GADL1: variants seen among roughly 807,000 people sequenced by gnomAD.
GADL1 encodes acidic amino acid decarboxylase GADL1.
A neutral mutation model predicts 69.5 loss-of-function variants in GADL1; 71 were observed. The observed-to-expected ratio is 1.02, with a 90% confidence interval of 0.84 to 1.25. The LOEUF (loss-of-function observed/expected upper bound fraction) is 1.25, where lower values mean the gene tolerates loss of function less well. GADL1 is among the 50% of genes most tolerant of loss of function. GADL1 has a pLI of 0.00. For synonymous variants in GADL1, 254 were observed against 214.4 expected, an observed-to-expected ratio of 1.18 and a Z score of -1.62; for missense variants, 737 against 631.8, an observed-to-expected ratio of 1.17 and a Z score of -1.79.
At chr3:30,879,984 C>A (rs555490688) in intron 1 of GADL1, among the ~76,000 whole-genome samples, 7 of 151,940 alleles carry the variant, frequency 4.6e-5, no homozygotes, top group African/African-American at 1.4e-4. Context: ...ATTCTACTTA[C>A]AAAGATCAGA....
chr3:30,745,124 T>C (rs1169672032), intron 14 of GADL1, among the ~76,000 whole-genome samples: 1 of 152,230 alleles, frequency 6.6e-6, no homozygotes, highest in Admixed American at 6.5e-5. Flanking sequence ...ATATAAAGTG[T>C]GCATGAGTGA....
chr3:30,748,557 C>A (rs1356561146), intron 14 of GADL1, among the ~76,000 whole-genome samples: 1 of 152,192 alleles, frequency 6.6e-6, no homozygotes. Context: ...GATTTTCAAA[C>A]AAGCATCTAT....
At chr3:30,746,730 A>G (rs1039913085) in intron 14 of GADL1, among the ~76,000 whole-genome samples, 2 of 152,234 alleles carry the variant, frequency 1.3e-5, no homozygotes, top group African/African-American at 4.8e-5. Context: ...AAAGTGACAT[A>G]TAAGTTGGAG....
chr3:30,756,580 C>G, intron 14 of GADL1, among the ~76,000 whole-genome samples: 1 of 151,906 alleles, frequency 6.6e-6, no homozygotes, highest in East Asian at 1.9e-4. Flanking sequence ...CAGAAGTAAT[C>G]GTGTGCTAAA....
intron 14 of GADL1, among the ~76,000 whole-genome samples, chr3:30,757,528 C>T (rs983054818): frequency 6.6e-6 from 1 of 152,162 alleles, no homozygotes; most frequent in Non-Finnish European, 1.5e-5. Flanking sequence ...AGCCTTAAAG[C>T]TAATGTAATG....
At chr3:30,867,878 TGTAAACAATGTAGACATTTGAAATTAAGG>T (rs1488994945) in intron 1 of GADL1, among the ~76,000 whole-genome samples, 2 of 152,044 alleles carry the variant, frequency 1.3e-5, no homozygotes, top group African/African-American at 4.8e-5. Context: ...ATATGCTGAA[TGTAAACAATGTAGACATTTGAAATTAAGG>T]GTTGTGGTTA....
At chr3:30,850,970 C>T (rs1366843815) in intron 4 of GADL1, 29 bp from the exon 5 acceptor site, 2 of 1,275,532 alleles carry the variant, frequency 1.6e-6, no homozygotes, top group Non-Finnish European at 2.2e-6. Context: ...CACTTCACTT[C>T]TATGACTAGA....
In GADL1 at chr3:30,861,585, A is replaced by AT; in HGVS notation, c.210+7dup. On this transcript the variant is annotated splice_region_variant and intron_variant, in intron 2 of 14. Coordinates refer to ENST00000282538, the MANE Select transcript of GADL1 (RefSeq NM_207359.3). ...TTTCTGCAATTTCTTACAGGTTTTA[A>AT]TTTTTACCTTCTCATTGACATCTGT... The AT allele has an allele frequency of 6.5e-7, 1 of 1,540,118 alleles. No homozygotes were observed. The highest frequency in any genetic ancestry group is 8.8e-7 in the Non-Finnish European group (1 of 1,141,144).
At chr3:30,797,137 CTGTCA>C (rs1018235363) in intron 12 of GADL1, among the ~76,000 whole-genome samples, 2 of 152,182 alleles carry the variant, frequency 1.3e-5, no homozygotes, top group Non-Finnish European at 2.9e-5. Flanking sequence ...TCTTGGCCTT[CTGTCA>C]TGGCCATCTC....
chr3:30,811,035 G>A (rs1477097422), intron 11 of GADL1, among the ~76,000 whole-genome samples: 1 of 152,140 alleles, frequency 6.6e-6, no homozygotes, highest in East Asian at 1.9e-4. Flanking sequence ...TTAGTGTTGA[G>A]ATCAAGACTC....
chr3:30,882,915 TTAGTGA>T (rs1403137528), intron 1 of GADL1, among the ~76,000 whole-genome samples: 2 of 151,900 alleles, frequency 1.3e-5, no homozygotes, highest in Non-Finnish European at 2.9e-5. Context: ...TTCTCTAATG[TTAGTGA>T]TAGTGAGCAT....
intron 14 of GADL1, among the ~76,000 whole-genome samples, chr3:30,776,428 C>T (rs1696537400): frequency 6.6e-6 from 1 of 152,162 alleles, no homozygotes; most frequent in Admixed American, 6.5e-5. Flanking sequence ...GGTTACTTAA[C>T]ATCTGAAATG....
intron 13 of GADL1, among the ~76,000 whole-genome samples, chr3:30,782,170 G>T (rs1246406862): frequency 6.6e-6 from 1 of 152,172 alleles, no homozygotes; most frequent in Admixed American, 6.6e-5. Context: ...GGAAGCTTGG[G>T]CTTGATTCTA....
In GADL1 at chr3:30,834,285, T is replaced by C. The variant is rs1697838012; in HGVS notation, c.904-4A>G. ...AAGCTGAGCCACCCCAAGAAGCCTG[T>C]TGAGATATTTACAGTACCAGAACAA... On this transcript the variant is annotated splice_polypyrimidine_tract_variant and splice_region_variant and intron_variant, in intron 9 of 14. Coordinates refer to ENST00000282538, the MANE Select transcript of GADL1 (RefSeq NM_207359.3). 6.2e-7 allele frequency: 1 copy of C among 1,611,436 alleles called. No individual in the cohort carries two copies. The highest frequency in any genetic ancestry group is 8.5e-7 in the Non-Finnish European group (1 of 1,177,906).
At chr3:30,855,914 C>G (rs1204528614) in intron 3 of GADL1, among the ~76,000 whole-genome samples, 1 of 135,446 alleles carries the variant, frequency 7.4e-6, no homozygotes, top group African/African-American at 2.9e-5. Flanking sequence ...ACATGGAAAA[C>G]TTCCTCTGAT....
At chr3:30,832,995 T>C (rs1697817216) in intron 11 of GADL1, among the ~76,000 whole-genome samples, 1 of 152,002 alleles carries the variant, frequency 6.6e-6, no homozygotes. Context: ...TAGCTACACA[T>C]GCAAGACTAG....
At chr3:30,853,940 G>A (rs1051630438) in intron 4 of GADL1, among the ~76,000 whole-genome samples, 1 of 151,958 alleles carries the variant, frequency 6.6e-6, no homozygotes, top group African/African-American at 2.4e-5. Context: ...ATGGCTTTTT[G>A]TTACATTTAG....
intron 14 of GADL1, among the ~76,000 whole-genome samples, chr3:30,765,986 C>T (rs977069403): frequency 6.6e-6 from 1 of 152,070 alleles, no homozygotes; most frequent in Admixed American, 6.6e-5. Context: ...AAAAGGGGTA[C>T]TCATGCTCAG....
chr3:30,877,704 G>T (rs1014138054), intron 1 of GADL1, among the ~76,000 whole-genome samples: 13 of 151,858 alleles, frequency 8.6e-5, no homozygotes, highest in Admixed American at 5.9e-4. Context: ...GTGCTGAAAT[G>T]GGAATAGTCT....
Sources: gnomAD v4.1 joint callset for allele counts (sites outside exome capture counted in the v4.1 genomes callset) on GRCh38, gnomAD v4.1.1 for gene constraint, MANE v1.5 for transcripts, NCBI Gene and HGNC (gene_info 2026-07-23, HGNC 2026-07-21) for gene names.